Variants in PXDNL observed in about 807,000 individuals in gnomAD.
The protein encoded by PXDNL is peroxidasin like.
In PXDNL, 145 loss-of-function variants were observed where a neutral mutation model predicts 150.8. The observed-to-expected ratio is 0.96, with a 90% CI of 0.84 to 1.10. PXDNL has a LOEUF of 1.10. Among genes scored for constraint, PXDNL ranks in the 50% least tolerant of loss-of-function variants. PXDNL has a pLI of 0.00. For synonymous variants in PXDNL, 757 were observed against 725.7 expected (o/e 1.04, Z -0.69); for missense variants, 2,087 against 1,873.9 (o/e 1.11, Z -2.10).
chr8:51,347,099 G>A (rs959382671), intron 19 of PXDNL, among the ~76,000 whole-genome samples: 16 of 152,012 alleles, frequency 1.1e-4, no homozygotes, highest in African/African-American at 3.6e-4. Context: ...AAATAAAACA[G>A]GATAACAACC....
chr8:51,559,759 G>T (rs1812682726), intron 3 of PXDNL, among the ~76,000 whole-genome samples: 1 of 151,888 alleles, frequency 6.6e-6, no homozygotes, highest in Admixed American at 6.6e-5. Flanking sequence ...TGAAAGAAAG[G>T]GCTTGGAAAA....
chr8:51,698,656 T>C (rs1291200222), intron 1 of PXDNL, among the ~76,000 whole-genome samples: 2 of 152,240 alleles, frequency 1.3e-5, no homozygotes, highest in Non-Finnish European at 1.5e-5. Flanking sequence ...TCACGCCTGT[T>C]CTTAACATTA....
intron 10 of PXDNL, among the ~76,000 whole-genome samples, chr8:51,451,484 C>T (rs892128382): frequency 1.1e-4 from 17 of 152,200 alleles, no homozygotes; most frequent in Non-Finnish European, 2.4e-4. Context: ...TAAAATAGCA[C>T]ATGCCGAGAT....
At chr8:51,776,823 C>T (rs1254812257) in intron 1 of PXDNL, among the ~76,000 whole-genome samples, 2 of 152,190 alleles carry the variant, frequency 1.3e-5, no homozygotes, top group South Asian at 2.1e-4. Flanking sequence ...CTGCAATGGT[C>T]TTGACATGTA....
At chr8:51,414,070 T>C (rs960001456) in intron 14 of PXDNL, among the ~76,000 whole-genome samples, 1 of 152,020 alleles carries the variant, frequency 6.6e-6, no homozygotes, top group African/African-American at 2.4e-5. Flanking sequence ...TTGAAAATAA[T>C]GTCATTTAGG....
At chr8:51,470,835 C>T (rs958632501) in intron 8 of PXDNL, among the ~76,000 whole-genome samples, 1 of 151,964 alleles carries the variant, frequency 6.6e-6, no homozygotes, top group African/African-American at 2.4e-5. Flanking sequence ...AAAATTAACT[C>T]GAGATGGATT....
At chr8:51,476,493 G>A (rs749570168) in intron 6 of PXDNL, among the ~76,000 whole-genome samples, 4 of 152,006 alleles carry the variant, frequency 2.6e-5, no homozygotes, top group Non-Finnish European at 5.9e-5. Flanking sequence ...ATTTCTTTAT[G>A]GTGTTTCCTA....
chr8:51,576,320 A>T (rs982213040), intron 3 of PXDNL, among the ~76,000 whole-genome samples: 3 of 151,978 alleles, frequency 2.0e-5, no homozygotes, highest in Non-Finnish European at 4.4e-5. Context: ...TAAAATATTG[A>T]AATCATACAG....
chr8:51,628,970 T>C (rs1814428836), intron 2 of PXDNL, among the ~76,000 whole-genome samples: 1 of 151,794 alleles, frequency 6.6e-6, no homozygotes, highest in South Asian at 2.1e-4. Flanking sequence ...CAACAGAAAC[T>C]ATGAGCCTTG....
chr8:51,383,961 G>C (rs1487719828), intron 17 of PXDNL, among the ~76,000 whole-genome samples: 1 of 152,176 alleles, frequency 6.6e-6, no homozygotes, highest in Non-Finnish European at 1.5e-5. Context: ...ATGCTCACCT[G>C]ATTGAGAGAG....
At chr8:51,617,973 C>T (rs1247244476) in intron 2 of PXDNL, among the ~76,000 whole-genome samples, 3 of 152,230 alleles carry the variant, frequency 2.0e-5, no homozygotes, top group South Asian at 2.1e-4. Context: ...TGCTCCAATA[C>T]GGGGATTTCC....
At chr8:51,645,705 G>A (rs1171951770) in intron 2 of PXDNL, among the ~76,000 whole-genome samples, 1 of 152,158 alleles carries the variant, frequency 6.6e-6, no homozygotes, top group African/African-American at 2.4e-5. Context: ...AAGTAACACA[G>A]CCTGAAATGG....
chr8:51,434,500 T>C (rs1809341925), intron 12 of PXDNL, among the ~76,000 whole-genome samples: 3 of 152,224 alleles, frequency 2.0e-5, no homozygotes, highest in Admixed American at 6.5e-5. Context: ...AGAACAGAGA[T>C]TCTTCTGCTG....
intron 14 of PXDNL, among the ~76,000 whole-genome samples, chr8:51,420,723 C>T (rs905609287): frequency 6.6e-6 from 1 of 152,188 alleles, no homozygotes; most frequent in African/African-American, 2.4e-5. Flanking sequence ...TGAAGTCTCA[C>T]TCTGTCATCC....
chr8:51,571,709 C>A (rs1314788890), intron 3 of PXDNL, among the ~76,000 whole-genome samples: 1 of 151,742 alleles, frequency 6.6e-6, no homozygotes, highest in Non-Finnish European at 1.5e-5. Flanking sequence ...TATCATAGGA[C>A]AGAAATGTGA....
intron 4 of PXDNL, among the ~76,000 whole-genome samples, chr8:51,521,081 A>C (rs927856126): frequency 6.6e-5 from 10 of 152,096 alleles, no homozygotes; most frequent in African/African-American, 2.2e-4. Flanking sequence ...TTCTGCAAAA[A>C]AAAATTAAAA....
chr8:51,435,243 C>T (rs553241042), intron 12 of PXDNL, among the ~76,000 whole-genome samples: 14 of 152,178 alleles, frequency 9.2e-5, no homozygotes, highest in African/African-American at 3.4e-4. Flanking sequence ...ATCACTTGAA[C>T]CCGGGAAGTG....
In PXDNL at chr8:51,339,690, C is replaced by T. The variant is rs1293632499; in HGVS notation, c.4080G>A (p.Lys1360=). The T allele has an allele frequency of 1.2e-6, 2 of 1,613,288 alleles. No individual in the cohort carries two copies. Among genetic ancestry groups the T allele is most frequent in the Admixed American group, 3.3e-5 (2 of 59,902 alleles). Residue 1360 remains lysine, a synonymous_variant, in exon 21 of 23, where the codon AAG becomes AAA. Coordinates refer to ENST00000356297, the MANE Select transcript of PXDNL (RefSeq NM_144651.5). ...CAAACGTGCTGAAATCTTGGGAGAA[C>T]TTTGTTTTTGCCAGAACTGTCACAT... ...ARNVTVLAKT[K]FSQDFSTFAA... is the part of the protein sequence containing the mutation.
chr8:51,548,768 GA>G (rs959243281), intron 4 of PXDNL, among the ~76,000 whole-genome samples: 1 of 151,402 alleles, frequency 6.6e-6, no homozygotes, highest in African/African-American at 2.4e-5. Context: ...TAACACAGTG[GA>G]AAAAAAACAA....
Sources: allele counts gnomAD v4.1 joint callset (sites outside exome capture counted in the v4.1 genomes callset), GRCh38; gene constraint gnomAD v4.1.1; transcripts MANE v1.5; gene names NCBI Gene and HGNC (gene_info 2026-07-23, HGNC 2026-07-21).